Variants in ZW10 observed in about 807,000 individuals in gnomAD.
ZW10 encodes the protein centromere/kinetochore protein zw10 homolog.
A neutral mutation model predicts 87.8 loss-of-function variants in ZW10; 53 were observed. The observed-to-expected ratio is 0.60, with a 90% CI of 0.48 to 0.76. ZW10 has a LOEUF of 0.76. ZW10 is among the 30% of genes least tolerant of loss of function. The pLI is 0.00. For missense variants in ZW10, 837 were observed against 923.0 expected (o/e 0.91, Z 1.21); for synonymous variants, 312 against 329.2 (o/e 0.95, Z 0.57).
rs201792272 is a variant in ZW10, at chr11:113,737,751, C to T, written c.1885-48G>A. The T allele has an allele frequency of 1.5e-4, 238 of 1,541,494 alleles. 1 individual carries two copies. In the South Asian group the frequency reaches 2.6e-3, roughly 17 times the overall value. On this transcript the variant is annotated intron_variant, in intron 13 of 15. Coordinates refer to ENST00000200135, the MANE Select transcript of ZW10 (RefSeq NM_004724.4). ...ACGTGGAAGAAAGATTACTGTGACT[C>T]GTATTTTCCAGATTTACATTTATCA...
chr11:113,758,649 G>A lies in ZW10; in HGVS notation c.638C>T (p.Ser213Leu), dbSNP rs142759842. ...CATAGGGGTCTTCTCCTCTTTGTGC[G>A]ATTGTTCAGTGTATAAATGAAGTTC... is the stretch of plus-strand genomic sequence containing the variant. ...QTELHLYTEQ[S>L]HKEEKTPMPP... The change falls in exon 6 of 16, where the codon TCG becomes TTG. Residue 213 changes from serine to leucine, a missense_variant. By Grantham distance (145) the Ser-to-Leu change is moderately radical. Coordinates refer to ENST00000200135, the MANE Select transcript of ZW10 (RefSeq NM_004724.4). 5.2e-4 allele frequency: 832 copies of A among 1,613,998 alleles called. 6 individuals are homozygous for A. In the East Asian group the frequency reaches 7.4e-3, roughly 14 times the overall value.
chr11:113,746,591 T>C (rs910351847), intron 9 of ZW10, among the ~76,000 whole-genome samples: 6 of 151,644 alleles, frequency 4.0e-5, no homozygotes, highest in Non-Finnish European at 8.8e-5. Flanking sequence ...AAAATGTTGG[T>C]TGATGATATA....
chr11:113,772,726 A>G (rs922992470), intron 1 of ZW10, among the ~76,000 whole-genome samples: 1 of 151,378 alleles, frequency 6.6e-6, no homozygotes, highest in African/African-American at 2.4e-5. Flanking sequence ...TAATCCCAGC[A>G]CTTTGGGAGG....
At chr11:113,764,130 T>C (rs148660421) in intron 2 of ZW10, among the ~76,000 whole-genome samples, 10,632 of 152,304 alleles carry the variant, frequency 0.07, 423 homozygotes, top group African/African-American at 0.1. Context: ...CCTTTCCCCA[T>C]TGCTTGTTTT....
intron 2 of ZW10, among the ~76,000 whole-genome samples, chr11:113,764,216 C>T (rs1435578320): frequency 6.6e-6 from 1 of 152,128 alleles, no homozygotes; most frequent in Non-Finnish European, 1.5e-5. Flanking sequence ...CTCCATTGGT[C>T]TATATGTCTG....
intron 2 of ZW10, among the ~76,000 whole-genome samples, chr11:113,765,741 A>G (rs558162057): frequency 1.3e-5 from 2 of 152,300 alleles, no homozygotes; most frequent in Non-Finnish European, 2.9e-5. Flanking sequence ...AATTCTCTAG[A>G]GGTCTCTCAC....
At chr11:113,735,366 T>C (rs77841778) in intron 15 of ZW10, among the ~76,000 whole-genome samples, 12,948 of 152,170 alleles carry the variant, frequency 0.085, 594 homozygotes, top group Middle Eastern at 0.18. Flanking sequence ...CTTTGTTACC[T>C]GCTAAGGACT....
At chr11:113,772,929 G>T (rs1937654630) in intron 1 of ZW10, among the ~76,000 whole-genome samples, 1 of 151,912 alleles carries the variant, frequency 6.6e-6, no homozygotes. Flanking sequence ...AGAGGTCGCG[G>T]TGAGCCGAGA....
intron 11 of ZW10, among the ~76,000 whole-genome samples, chr11:113,741,232 T>TA (rs1470680484): frequency 1.3e-5 from 2 of 152,152 alleles, no homozygotes; most frequent in Non-Finnish European, 1.5e-5. Flanking sequence ...CTCCCACCTC[T>TA]GCCTTCCAAG....
At chr11:113,741,550 G>A (rs977549939) in intron 11 of ZW10, 144 bp downstream of exon 11, 5 of 504,342 alleles carry the variant, frequency 9.9e-6, no homozygotes, top group African/African-American at 4.0e-5. Context: ...TTAAATATGC[G>A]TTTTAAAATG....
At chr11:113,748,211 G>C (rs1237891660) in intron 8 of ZW10, 46 bp downstream of exon 8, 1 of 1,506,914 alleles carries the variant, frequency 6.6e-7, no homozygotes, top group Non-Finnish European at 8.9e-7. Flanking sequence ...ACAGCAATAA[G>C]AAACAACAGT....
At chr11:113,767,645 G>C (rs1953922721) in intron 2 of ZW10, among the ~76,000 whole-genome samples, 1 of 151,986 alleles carries the variant, frequency 6.6e-6, no homozygotes, top group South Asian at 2.1e-4. Context: ...AAGCAGAATA[G>C]GATTCCGGAA....
At chr11:113,739,468 T>C (rs1953590652) in intron 11 of ZW10, 86 bp from the exon 12 acceptor site, 3 of 1,207,416 alleles carry the variant, frequency 2.5e-6, no homozygotes, top group Non-Finnish European at 3.5e-6. Context: ...CTCTAATGTA[T>C]TTCTAGGCTT....
At position 113,768,847 on chromosome 11, in the gene ZW10, T is replaced by C; in HGVS notation, c.226A>G (p.Arg76Gly). ...LSEDIDLLKS[R>G]IESEVRRDLH... ...ATTATCCTTACCTCACTCTCTATCC[T>C]GGATTTCAGCAGGTCAATGTCTTCA... The change falls in exon 2 of 16, where the codon AGG (arginine) becomes GGG (glycine). Residue 76 changes from arginine (R) to glycine (G), a missense_variant. Transcript: ENST00000200135. 5 of 1,614,148 alleles carry C rather than the reference T, an allele frequency of 3.1e-6. No individual in the cohort carries two copies. Among genetic ancestry groups the C allele is most frequent in the South Asian group, 1.1e-5 (1 of 91,082 alleles).
At chr11:113,769,329 G>A (rs1237651047) in intron 1 of ZW10, among the ~76,000 whole-genome samples, 5 of 151,520 alleles carry the variant, frequency 3.3e-5, no homozygotes, top group African/African-American at 9.7e-5. Context: ...GAGAAAAGGT[G>A]GAGCCAGAAG....
In ZW10 at chr11:113,741,684, T is replaced by C. The variant is rs773814266; in HGVS notation, c.1583+10A>G. 4 of 1,561,940 alleles carry C rather than the reference T, an allele frequency of 2.6e-6. No individual in the cohort carries two copies. The highest frequency in any genetic ancestry group is 3.5e-6 in the Non-Finnish European group (4 of 1,146,240). On this transcript the variant is annotated intron_variant, in intron 11 of 15. Transcript: ENST00000200135. ...ATTATTATATAGAAATGAGATACAGTGGTACTTACTTGTGATATGTTGGTA... is the reference window on the plus strand; with the variant it reads ...ATTATTATATAGAAATGAGATACAGCGGTACTTACTTGTGATATGTTGGTA...
Position 113,741,761 on chromosome 11 carries a change from C to T in ZW10, c.1516G>A (p.Val506Ile), listed in dbSNP as rs1953621861. Reference protein sequence around the residue: ...EATTSSDQCAVQLFYSVRNIF... With the variant: ...EATTSSDQCAIQLFYSVRNIF... Reference sequence around the variant, plus strand: ...TTCCTCACTGAGTAGAAAAGTTGAACAGCACTAAAAAGAAAACATAGACTT... The same window carrying T: ...TTCCTCACTGAGTAGAAAAGTTGAATAGCACTAAAAAGAAAACATAGACTT... The change falls in exon 11 of 16, where the codon GTT becomes ATT. Residue 506 changes from valine to isoleucine, a missense_variant. Val to Ile is a conservative substitution (Grantham distance 29). Transcript: ENST00000200135. 7 of 1,605,286 alleles carry T rather than the reference C, an allele frequency of 4.4e-6. No homozygotes were observed. The highest frequency in any genetic ancestry group is 1.1e-5 in the South Asian group (1 of 89,414).
At position 113,768,877 on chromosome 11, in the gene ZW10, G is replaced by A; in HGVS notation, c.196C>T (p.Leu66=). 6.2e-7 allele frequency: 1 copy of A among 1,614,128 alleles called. No homozygotes were observed. The highest frequency in any genetic ancestry group is 8.5e-7 in the Non-Finnish European group (1 of 1,180,008). Reference sequence around the variant, plus strand: ...TTCAGCAGGTCAATGTCTTCAGATAGCTTATCCACCTGGGTAATCAGGCCC... The same window carrying A: ...TTCAGCAGGTCAATGTCTTCAGATAACTTATCCACCTGGGTAATCAGGCCC... ...AQGLITQVDK[L]SEDIDLLKSR... Residue 66 remains leucine, a synonymous_variant, in exon 2 of 16, where the codon CTA becomes TTA. Coordinates refer to ENST00000200135, the MANE Select transcript of ZW10 (RefSeq NM_004724.4).
chr11:113,741,849 TGA>T (rs1414351072), intron 10 of ZW10, 84 bp from the exon 11 acceptor site: 2 of 887,252 alleles, frequency 2.3e-6, no homozygotes, highest in Non-Finnish European at 3.5e-6. Context: ...GCATCTTCAG[TGA>T]GAGTCATAAG....
Sources: gnomAD v4.1 joint callset for allele counts (sites outside exome capture counted in the v4.1 genomes callset) on GRCh38, gnomAD v4.1.1 for gene constraint, MANE v1.5 for transcripts, NCBI Gene and HGNC (gene_info 2026-07-23, HGNC 2026-07-21) for gene names.